The following APOO variants were observed in gnomAD, a reference collection of about 807,000 sequenced individuals.
The protein encoded by APOO is apolipoprotein O.
A neutral mutation model predicts 23.1 loss-of-function variants in APOO; 11 were observed. That is an observed-to-expected ratio of 0.48 (90% confidence interval 0.30 to 0.79). The LOEUF is 0.79. APOO is among the 30% of genes least tolerant of loss of function. The pLI is 0.07. For synonymous variants in APOO, 59 were observed against 54.8 expected, an observed-to-expected ratio of 1.08 and a Z score of -0.34; for missense variants, 160 against 142.7, an observed-to-expected ratio of 1.12 and a Z score of -0.62.
intron 6 of APOO, 97 bp from the exon 7 acceptor site, chrX:23,856,479 T>C (rs965318156): frequency 4.6e-6 from 3 of 646,728 alleles, no homozygotes; most frequent in African/African-American, 2.2e-5. Flanking sequence ...TAAAGATATA[T>C]GCATGCATAT....
chrX:23,868,969 C>T (rs1462784619), intron 4 of APOO, among the ~76,000 whole-genome samples: 6 of 103,896 alleles, frequency 5.8e-5, no homozygotes, highest in Non-Finnish European at 7.8e-5. Context: ...TGTGCAATGG[C>T]GTGATCTCGG....
intron 7 of APOO, chrX:23,840,632 A>C: frequency 4.0e-6 from 1 of 250,359 alleles, no homozygotes; most frequent in Non-Finnish European, 7.0e-6. Context: ...TGAAGAAGTT[A>C]CTAGGGCTCT....
intron 7 of APOO, among the ~76,000 whole-genome samples, chrX:23,855,537 G>A (rs1467447978): frequency 1.8e-5 from 2 of 110,606 alleles, no homozygotes; most frequent in Non-Finnish European, 3.8e-5. Flanking sequence ...CCTTCAATCT[G>A]TGATGTAGAA....
At chrX:23,851,987 G>A (rs890179533) in intron 7 of APOO, among the ~76,000 whole-genome samples, 5 of 111,834 alleles carry the variant, frequency 4.5e-5, no homozygotes, top group Admixed American at 9.5e-5. Flanking sequence ...GCAGTGGCAC[G>A]ATCTCAGCTC....
rs746341693 is a variant in APOO, at chrX:23,907,699, A to G, written c.4T>C (p.Phe2Leu). 2.6e-5 allele frequency: 30 copies of G among 1,158,378 alleles called. No homozygotes were observed. In the South Asian group the frequency reaches 4.7e-4, roughly 18 times the overall value. M[F>L]KVIQRSVGPA... is the part of the protein sequence containing the mutation. ...ACTCGACTCCACGCTCTCACCTTGA[A>G]CATGTCGCTGGCAGCGGAGGCTCCG... Residue 2 changes from phenylalanine to leucine, a missense_variant, in exon 1 of 9, where the codon TTC becomes CTC. Coordinates refer to ENST00000379226, the MANE Select transcript of APOO (RefSeq NM_024122.5).
intron 7 of APOO, among the ~76,000 whole-genome samples, chrX:23,843,458 AT>A (rs5901740): frequency 9.3e-6 from 1 of 107,046 alleles, no homozygotes; most frequent in African/African-American, 3.4e-5. Context: ...GCCAGAAATC[AT>A]TTTTTTTTGC....
At position 23,907,892 on chromosome X, in the gene APOO, T is replaced by A. The variant is rs1927447455; in HGVS notation, c.-190A>T. ...CAATCACCCGGTTCTAGAAGCCGCG[T>A]CGCTGAGCCGCAGCGCGTCGCGCCC... On this transcript the variant is annotated 5_prime_UTR_variant, in exon 1 of 9. Coordinates refer to ENST00000379226, the MANE Select transcript of APOO (RefSeq NM_024122.5). 2.2e-6 allele frequency: 1 copy of A among 454,865 alleles called. No individual in the cohort carries two copies. Among genetic ancestry groups the A allele is most frequent in the Non-Finnish European group, 3.4e-6 (1 of 294,323 alleles). 37.5% of individuals were successfully genotyped at this position (454,865 alleles called of 1,213,427 possible).
At chrX:23,866,902 C>T (rs1365447105) in intron 5 of APOO, among the ~76,000 whole-genome samples, 2 of 109,945 alleles carry the variant, frequency 1.8e-5, no homozygotes, top group Non-Finnish European at 3.8e-5. Flanking sequence ...GAGCTGGAGA[C>T]CAGCCTGGCT....
intron 7 of APOO, among the ~76,000 whole-genome samples, chrX:23,841,752 T>C (rs1250036501): frequency 9.1e-6 from 1 of 110,176 alleles, no homozygotes; most frequent in Non-Finnish European, 1.9e-5. Context: ...CATACCCATA[T>C]GTGAACACAC....
At chrX:23,898,494 T>C (rs777635090) in intron 1 of APOO, among the ~76,000 whole-genome samples, 22 of 111,372 alleles carry the variant, frequency 2.0e-4, no homozygotes, top group Non-Finnish European at 3.8e-4. Context: ...ATCTCAGTTA[T>C]TCATGTGCGT....
intron 5 of APOO, among the ~76,000 whole-genome samples, chrX:23,861,644 AAG>A (rs1925041231): frequency 1.9e-5 from 2 of 107,538 alleles, no homozygotes; most frequent in South Asian, 8.3e-4. Flanking sequence ...GCTGAGAACC[AAG>A]AGAGCTGGAA....
chrX:23,851,379 G>C (rs950299457), intron 7 of APOO, among the ~76,000 whole-genome samples: 2 of 111,222 alleles, frequency 1.8e-5, no homozygotes, highest in Non-Finnish European at 3.8e-5. Context: ...ATTTTTAGTA[G>C]AGACGGGTTT....
At chrX:23,907,480 C>A (rs1003803153) in intron 1 of APOO, among the ~76,000 whole-genome samples, 1 of 112,580 alleles carries the variant, frequency 8.9e-6, no homozygotes, top group African/African-American at 3.2e-5. Flanking sequence ...GGGCCGCCCC[C>A]ACCCACCCGG....
chrX:23,848,251 A>G (rs1472407828), intron 7 of APOO, among the ~76,000 whole-genome samples: 1 of 108,779 alleles, frequency 9.2e-6, no homozygotes, highest in Non-Finnish European at 1.9e-5. Flanking sequence ...TGCAACCTCT[A>G]CCGCCCAGGT....
At chrX:23,870,354 A>T (rs1042060971) in intron 4 of APOO, among the ~76,000 whole-genome samples, 3 of 111,794 alleles carry the variant, frequency 2.7e-5, no homozygotes, top group African/African-American at 9.8e-5. Context: ...CTAATCCTAT[A>T]GTACCCTGTG....
intron 4 of APOO, among the ~76,000 whole-genome samples, chrX:23,873,361 A>G (rs1423727933): frequency 9.0e-6 from 1 of 111,510 alleles, no homozygotes; most frequent in Non-Finnish European, 1.9e-5. Flanking sequence ...TGTAATCCCA[A>G]TATTTTGGGC....
At chrX:23,847,836 T>C (rs889325688) in intron 7 of APOO, among the ~76,000 whole-genome samples, 2 of 102,200 alleles carry the variant, frequency 2.0e-5, no homozygotes, top group African/African-American at 3.5e-5. Context: ...CACACACACA[T>C]ATATATCCAT....
chrX:23,879,299 C>T (rs1189572062), intron 2 of APOO, among the ~76,000 whole-genome samples: 1 of 110,990 alleles, frequency 9.0e-6, no homozygotes, highest in Non-Finnish European at 1.9e-5. Flanking sequence ...AGCCAGGTGT[C>T]GCGGTAGGCG....
At chrX:23,856,234 T>C in intron 7 of APOO, 68 bp downstream of exon 7, 1 of 1,033,041 alleles carries the variant, frequency 9.7e-7, no homozygotes, top group South Asian at 2.0e-5. Flanking sequence ...TTATCAAATA[T>C]TTTACAAAAC....
Sources: allele counts gnomAD v4.1 joint callset (sites outside exome capture counted in the v4.1 genomes callset), GRCh38; gene constraint gnomAD v4.1.1; transcripts MANE v1.5; gene names NCBI Gene and HGNC (gene_info 2026-07-23, HGNC 2026-07-21).